Variants in CBFA2T2 observed in about 807,000 individuals in gnomAD.
The protein encoded by CBFA2T2 is CBFA2/RUNX1 partner transcriptional co-repressor 2, also known as protein CBFA2T2.
In CBFA2T2, 11 loss-of-function variants were observed where a neutral mutation model predicts 62.2. That is an observed-to-expected ratio of 0.18 (90% CI 0.11 to 0.29). CBFA2T2 has a LOEUF of 0.29. Ranked by LOEUF, CBFA2T2 falls within the 10% of genes least tolerant of loss-of-function variation. CBFA2T2 has a pLI of 1.00. For synonymous variants in CBFA2T2, 295 were observed against 287.5 expected (o/e 1.03, Z -0.27); for missense variants, 592 against 774.1 (o/e 0.76, Z 2.79).
At chr20:33,589,549 G>A (rs2014522212) in intron 1 of CBFA2T2, among the ~76,000 whole-genome samples, 1 of 152,148 alleles carries the variant, frequency 6.6e-6, no homozygotes, top group Non-Finnish European at 1.5e-5. Flanking sequence ...AGATGAATTC[G>A]TTTCTTTGTC....
chr20:33,586,577 A>C (rs558596091), intron 1 of CBFA2T2, among the ~76,000 whole-genome samples: 2 of 152,318 alleles, frequency 1.3e-5, no homozygotes, highest in South Asian at 4.1e-4. Flanking sequence ...TTTATATTCT[A>C]TAGCAGATTT....
intron 1 of CBFA2T2, among the ~76,000 whole-genome samples, chr20:33,570,332 C>T (rs541549334): frequency 6.6e-6 from 1 of 152,222 alleles, no homozygotes; most frequent in South Asian, 2.1e-4. Flanking sequence ...CCCCTGGCAG[C>T]CAACATTTTA....
chr20:33,549,796 C>G (rs1422777757), intron 1 of CBFA2T2, among the ~76,000 whole-genome samples: 1 of 150,450 alleles, frequency 6.6e-6, no homozygotes, highest in East Asian at 1.9e-4. Flanking sequence ...TCCCCTGCTG[C>G]AAAGGAGTAG....
chr20:33,629,664 G>A, intron 7 of CBFA2T2, 55 bp from the exon 8 acceptor site: 1 of 1,501,208 alleles, frequency 6.7e-7, no homozygotes, highest in South Asian at 1.2e-5. Context: ...GATTTACAGT[G>A]TTGGTTGTTT....
chr20:33,615,322 CACTT>C (rs1271198245), intron 3 of CBFA2T2, among the ~76,000 whole-genome samples: 3 of 152,138 alleles, frequency 2.0e-5, no homozygotes, highest in Non-Finnish European at 4.4e-5. Flanking sequence ...TTTTGTGCTT[CACTT>C]ACTTATTATT....
chr20:33,608,175 C>T (rs2015405544), intron 2 of CBFA2T2, among the ~76,000 whole-genome samples: 2 of 152,232 alleles, frequency 1.3e-5, no homozygotes, highest in South Asian at 4.1e-4. Context: ...AACTAGTATA[C>T]ATACATGCAC....
At chr20:33,562,170 TAGGGATTTGCAC>T (rs762589629) in intron 1 of CBFA2T2, among the ~76,000 whole-genome samples, 53 of 152,340 alleles carry the variant, frequency 3.5e-4, no homozygotes, top group Non-Finnish European at 4.4e-4. Context: ...GTTATTCCAC[TAGGGATTTGCAC>T]AGATAGGTTT....
intron 1 of CBFA2T2, among the ~76,000 whole-genome samples, chr20:33,596,919 G>GTT (rs59278499): frequency 1.1e-3 from 143 of 125,364 alleles, no homozygotes; most frequent in Admixed American, 5.7e-3. Flanking sequence ...CTTGACCTCT[G>GTT]TTTTTTTTTT....
At chr20:33,509,927 C>T (rs940829216) in intron 1 of CBFA2T2, among the ~76,000 whole-genome samples, 3 of 151,496 alleles carry the variant, frequency 2.0e-5, no homozygotes, top group African/African-American at 4.9e-5. Flanking sequence ...CCCATTAACT[C>T]GTCATTTACA....
intron 4 of CBFA2T2, among the ~76,000 whole-genome samples, chr20:33,622,576 T>G (rs1042100708): frequency 6.6e-6 from 1 of 152,236 alleles, no homozygotes; most frequent in Non-Finnish European, 1.5e-5. Context: ...ACCTACTTAA[T>G]GAATTATCTT....
At chr20:33,498,535 G>C (rs1245421741) in intron 1 of CBFA2T2, among the ~76,000 whole-genome samples, 1 of 151,996 alleles carries the variant, frequency 6.6e-6, no homozygotes, top group Admixed American at 6.6e-5. Flanking sequence ...TTATAGGCGT[G>C]AGCTACCGCG....
chr20:33,570,961 C>T (rs1413422191), intron 1 of CBFA2T2, among the ~76,000 whole-genome samples: 1 of 152,168 alleles, frequency 6.6e-6, no homozygotes, highest in Non-Finnish European at 1.5e-5. Context: ...AGTGCTTTGT[C>T]GGGGCCCCAG....
At chr20:33,553,376 G>A (rs1008956883) in intron 1 of CBFA2T2, among the ~76,000 whole-genome samples, 6 of 152,240 alleles carry the variant, frequency 3.9e-5, no homozygotes, top group Admixed American at 1.3e-4. Flanking sequence ...ACAGGTGCAC[G>A]CCACTACGCC....
chr20:33,552,984 C>T (rs1425052328), intron 1 of CBFA2T2, among the ~76,000 whole-genome samples: 1 of 152,158 alleles, frequency 6.6e-6, no homozygotes, highest in Non-Finnish European at 1.5e-5. Context: ...TAGCACACCC[C>T]TTAACTCTAG....
chr20:33,530,338 G>C (rs1377558791), intron 1 of CBFA2T2, among the ~76,000 whole-genome samples: 1 of 152,156 alleles, frequency 6.6e-6, no homozygotes, highest in Non-Finnish European at 1.5e-5. Context: ...GTCATAATGA[G>C]AGCATGAGAG....
intron 1 of CBFA2T2, among the ~76,000 whole-genome samples, chr20:33,507,654 G>A (rs1373895365): frequency 2.0e-5 from 3 of 152,094 alleles, no homozygotes; most frequent in Non-Finnish European, 4.4e-5. Flanking sequence ...ATGTCGGTAG[G>A]TAAAGAACTT....
chr20:33,609,943 A>C (rs1243350219), intron 2 of CBFA2T2, among the ~76,000 whole-genome samples: 1 of 152,176 alleles, frequency 6.6e-6, no homozygotes, highest in African/African-American at 2.4e-5. Context: ...AAACAGAATG[A>C]TACTTAGGTA....
At chr20:33,528,055 A>G (rs938109560) in intron 1 of CBFA2T2, among the ~76,000 whole-genome samples, 1 of 151,834 alleles carries the variant, frequency 6.6e-6, no homozygotes, top group African/African-American at 2.4e-5. Flanking sequence ...CTTTTTGTAG[A>G]GACAAGGCCT....
intron 1 of CBFA2T2, among the ~76,000 whole-genome samples, chr20:33,512,204 C>T (rs945401592): frequency 2.6e-5 from 4 of 151,220 alleles, no homozygotes; most frequent in Non-Finnish European, 5.9e-5. Flanking sequence ...CCGGGCATGG[C>T]GGTGTGCAGG....
Sources: gnomAD v4.1 joint callset for allele counts (sites outside exome capture counted in the v4.1 genomes callset) on GRCh38, gnomAD v4.1.1 for gene constraint, MANE v1.5 for transcripts, NCBI Gene and HGNC (gene_info 2026-07-23, HGNC 2026-07-21) for gene names.